SIPA1L1: variants seen among roughly 807,000 people sequenced by gnomAD.
SIPA1L1 encodes signal-induced proliferation-associated 1-like protein 1.
Under a neutral mutation model 162.7 loss-of-function variants are expected in SIPA1L1, and 26 were observed. That is an observed-to-expected ratio of 0.16 (90% CI 0.12 to 0.22). SIPA1L1 has a LOEUF of 0.22. SIPA1L1 is among the 10% of genes least tolerant of loss of function. The pLI, the probability that SIPA1L1 is intolerant of heterozygous loss-of-function variation, is 1.00. For synonymous variants in SIPA1L1, 829 were observed against 837.4 expected (o/e 0.99, Z 0.17); for missense variants, 1,874 against 2,241.0 (o/e 0.84, Z 3.31).
chr14:71,624,511 A>C (rs2039773513), intron 7 of SIPA1L1, among the ~76,000 whole-genome samples: 1 of 152,320 alleles, frequency 6.6e-6, no homozygotes, highest in Middle Eastern at 3.4e-3. Flanking sequence ...AAGTTTTTCG[A>C]GTGTCCAAGA....
intron 2 of SIPA1L1, among the ~76,000 whole-genome samples, chr14:71,455,941 C>A (rs748257172): frequency 6.6e-6 from 1 of 152,156 alleles, no homozygotes; most frequent in Non-Finnish European, 1.5e-5. Flanking sequence ...GTTGGTTTGA[C>A]ATCTTAACTA....
intron 2 of SIPA1L1, among the ~76,000 whole-genome samples, chr14:71,340,405 A>G (rs577434520): frequency 1.2e-4 from 19 of 152,060 alleles, no homozygotes; most frequent in Middle Eastern, 3.4e-3. Context: ...GCTGAACAAC[A>G]CCAGTGAATT....
chr14:71,332,305 A>G (rs1241351970), intron 2 of SIPA1L1, among the ~76,000 whole-genome samples: 1 of 152,082 alleles, frequency 6.6e-6, no homozygotes. Context: ...CTGTCCTTGT[A>G]TAGCTGATAC....
At position 71,698,787 on chromosome 14, in the gene SIPA1L1, G is replaced by A. The variant is rs530723009; in HGVS notation, c.3375-194G>A. Among the ~76,000 whole-genome samples, 289 of 87,526 alleles carry A rather than the reference G, an allele frequency of 3.3e-3. 3 individuals carry two copies. The highest frequency in any genetic ancestry group is 6.6e-3 in the Admixed American group (36 of 5,494). The allele number at this position is 87,526 out of a possible 152,430, so 57.4% of individuals were successfully genotyped here. On this transcript the variant is annotated intron_variant, in intron 13 of 23. Coordinates refer to ENST00000381232, the MANE Select transcript of SIPA1L1 (RefSeq NM_001386936.1). ...TGACACCCACCCCCACCCCCTCCAA[G>A]GCAGTTTTCCAGCTGTTCCCCTAGG... is the stretch of plus-strand genomic sequence containing the variant.
chr14:71,467,696 G>A (rs774913991), intron 2 of SIPA1L1, among the ~76,000 whole-genome samples: 8 of 151,954 alleles, frequency 5.3e-5, no homozygotes, highest in Middle Eastern at 3.2e-3. Context: ...GAGGTTTAGT[G>A]CATACCTCTG....
chr14:71,698,136 T>TA (rs1303736285), intron 13 of SIPA1L1, among the ~76,000 whole-genome samples: 4 of 152,180 alleles, frequency 2.6e-5, no homozygotes, highest in Non-Finnish European at 4.4e-5. Flanking sequence ...GCTTCTGAAA[T>TA]AAAATACCAT....
At chr14:71,448,448 C>T (rs891679080) in intron 2 of SIPA1L1, among the ~76,000 whole-genome samples, 5 of 152,112 alleles carry the variant, frequency 3.3e-5, no homozygotes, top group Non-Finnish European at 5.9e-5. Context: ...GTTTATGGGG[C>T]TAGTTGTGTT....
At chr14:71,348,887 T>C (rs1014903071) in intron 2 of SIPA1L1, among the ~76,000 whole-genome samples, 19 of 152,212 alleles carry the variant, frequency 1.2e-4, no homozygotes, top group Non-Finnish European at 1.6e-4. Context: ...AAATGGATTC[T>C]TCCCCAGGAT....
intron 2 of SIPA1L1, among the ~76,000 whole-genome samples, chr14:71,398,827 T>A (rs1173516303): frequency 6.6e-6 from 1 of 152,216 alleles, no homozygotes; most frequent in Non-Finnish European, 1.5e-5. Context: ...TACATATCTT[T>A]CTCTGTGAAT....
intron 2 of SIPA1L1, among the ~76,000 whole-genome samples, chr14:71,459,292 C>T (rs1413400520): frequency 1.3e-5 from 2 of 151,958 alleles, no homozygotes; most frequent in African/African-American, 4.8e-5. Flanking sequence ...TCTTTTAAGT[C>T]CTTACAATTA....
rs181001909 is a variant in SIPA1L1 at position 71,387,047 on chromosome 14, G to C, written c.-465+65866G>C. On this transcript the variant is annotated intron_variant, in intron 2 of 23. Coordinates refer to ENST00000381232, the MANE Select transcript of SIPA1L1 (RefSeq NM_001386936.1). ...GCAGATCACCTGAGGTCAGGAGTTCGAGACCGGCCTGACCAACATGGAGAA... is the reference window on the plus strand; with the variant it reads ...GCAGATCACCTGAGGTCAGGAGTTCCAGACCGGCCTGACCAACATGGAGAA... Among the ~76,000 whole-genome samples the C allele has an allele frequency of 1.4e-4, 21 of 152,186 alleles. No homozygotes were observed. In the East Asian group the frequency reaches 3.5e-3, roughly 25 times the overall value.
intron 12 of SIPA1L1, among the ~76,000 whole-genome samples, chr14:71,673,041 C>T (rs1211285025): frequency 1.3e-5 from 2 of 152,192 alleles, no homozygotes; most frequent in Non-Finnish European, 2.9e-5. Context: ...AATTGCTGCC[C>T]AAAACTCAGC....
intron 2 of SIPA1L1, among the ~76,000 whole-genome samples, chr14:71,468,679 A>G (rs1367259536): frequency 1.3e-5 from 2 of 152,192 alleles, no homozygotes; most frequent in Admixed American, 1.3e-4. Context: ...AGGGGCACAT[A>G]TCCAAACCAT....
At chr14:71,640,225 A>G (rs930531911) in intron 7 of SIPA1L1, among the ~76,000 whole-genome samples, 2 of 152,128 alleles carry the variant, frequency 1.3e-5, no homozygotes, top group African/African-American at 4.8e-5. Flanking sequence ...ACTTTTAAGC[A>G]TCAACAATTA....
chr14:71,602,366 T>C (rs779035259), intron 5 of SIPA1L1, among the ~76,000 whole-genome samples: 6 of 152,222 alleles, frequency 3.9e-5, no homozygotes, highest in Non-Finnish European at 8.8e-5. Context: ...TTTTACAGTT[T>C]ATAGAGTTTC....
intron 4 of SIPA1L1, among the ~76,000 whole-genome samples, chr14:71,562,406 G>A (rs1388152573): frequency 2.0e-5 from 3 of 152,028 alleles, no homozygotes; most frequent in Admixed American, 6.5e-5. Flanking sequence ...CTTTGTGTCT[G>A]TTAAATGATT....
chr14:71,522,692 T>C (rs948198259), intron 3 of SIPA1L1, among the ~76,000 whole-genome samples: 1 of 151,160 alleles, frequency 6.6e-6, no homozygotes, highest in Non-Finnish European at 1.5e-5. Flanking sequence ...TTAATTTCTC[T>C]CTCTCTTTTT....
At chr14:71,538,340 A>G (rs78206483) in intron 4 of SIPA1L1, among the ~76,000 whole-genome samples, 1 of 152,052 alleles carries the variant, frequency 6.6e-6, no homozygotes, top group African/African-American at 2.4e-5. Context: ...ATTTTACCAA[A>G]TTCTTTGAGA....
intron 11 of SIPA1L1, 38 bp downstream of exon 11, chr14:71,671,730 CTT>C (rs2044537098): frequency 6.7e-7 from 1 of 1,493,040 alleles, no homozygotes; most frequent in Non-Finnish European, 9.0e-7. Context: ...TGCAGTTTCT[CTT>C]TCATAAAGTT....
Sources: gnomAD v4.1 joint callset for allele counts (sites outside exome capture counted in the v4.1 genomes callset) on GRCh38, gnomAD v4.1.1 for gene constraint, MANE v1.5 for transcripts, NCBI Gene and HGNC (gene_info 2026-07-23, HGNC 2026-07-21) for gene names.